The following ADGRB3 variants were observed in gnomAD, a reference collection of about 807,000 sequenced individuals.
ADGRB3 encodes brain-specific angiogenesis inhibitor 3.
ADGRB3 carries 37 observed loss-of-function variants against 193.4 expected under a neutral mutation model. The ratio of observed to expected loss-of-function variants is 0.19; its 90% CI spans 0.15 to 0.25. The LOEUF (loss-of-function observed/expected upper bound fraction) is 0.25, where lower values mean the gene tolerates loss of function less well. Among genes scored for constraint, ADGRB3 ranks in the 10% least tolerant of loss-of-function variants. ADGRB3 has a pLI of 1.00. For synonymous variants in ADGRB3, 690 were observed against 644.2 expected (o/e 1.07, Z -1.08); for missense variants, 1,637 against 1,852.9 (o/e 0.88, Z 2.14).
intron 17 of ADGRB3, among the ~76,000 whole-genome samples, chr6:69,098,545 A>C (rs921452061): frequency 6.6e-6 from 1 of 152,144 alleles, no homozygotes; most frequent in African/African-American, 2.4e-5. Context: ...ACTTACAATT[A>C]TGGCAGAAGG....
intron 3 of ADGRB3, among the ~76,000 whole-genome samples, chr6:68,664,814 T>G (rs1023696757): frequency 1.2e-4 from 18 of 151,792 alleles, no homozygotes; most frequent in Non-Finnish European, 2.4e-4. Context: ...TCCAAATATT[T>G]GTCTGAAATA....
At chr6:68,717,769 G>A (rs1235513735) in intron 3 of ADGRB3, among the ~76,000 whole-genome samples, 3 of 151,610 alleles carry the variant, frequency 2.0e-5, no homozygotes, top group African/African-American at 7.2e-5. Flanking sequence ...CTTTGTTAAT[G>A]TGTCTCAAGA....
At chr6:68,815,703 C>T (rs969941052) in intron 3 of ADGRB3, among the ~76,000 whole-genome samples, 3 of 149,952 alleles carry the variant, frequency 2.0e-5, no homozygotes, top group Admixed American at 6.7e-5. Context: ...TGAAACTCAG[C>T]CAAAGCAAAA....
At chr6:69,347,735 T>C (rs1446577987) in intron 26 of ADGRB3, among the ~76,000 whole-genome samples, 5 of 151,942 alleles carry the variant, frequency 3.3e-5, no homozygotes, top group Non-Finnish European at 7.4e-5. Flanking sequence ...CAGTGAGCCA[T>C]GATTGAGCCA....
intron 3 of ADGRB3, among the ~76,000 whole-genome samples, chr6:68,886,479 T>A (rs1765911069): frequency 6.6e-6 from 1 of 152,104 alleles, no homozygotes; most frequent in Admixed American, 6.6e-5. Context: ...CATATACTTC[T>A]TCTTTTTATT....
chr6:69,059,166 G>C (rs1771640356), intron 15 of ADGRB3, among the ~76,000 whole-genome samples: 1 of 151,904 alleles, frequency 6.6e-6, no homozygotes, highest in South Asian at 2.1e-4. Flanking sequence ...ATTTATAATT[G>C]TTATACCTCC....
At chr6:68,672,366 G>C (rs1277801659) in intron 3 of ADGRB3, among the ~76,000 whole-genome samples, 1 of 150,882 alleles carries the variant, frequency 6.6e-6, no homozygotes, top group African/African-American at 2.4e-5. Flanking sequence ...CGGTTTATTT[G>C]ATGTTTTTCT....
At chr6:68,748,405 G>C (rs1766127044) in intron 3 of ADGRB3, among the ~76,000 whole-genome samples, 1 of 152,108 alleles carries the variant, frequency 6.6e-6, no homozygotes, top group Non-Finnish European at 1.5e-5. Flanking sequence ...ATTCCAAATG[G>C]GAGAAATTGG....
At chr6:69,007,899 C>T (rs769927321) in intron 11 of ADGRB3, among the ~76,000 whole-genome samples, 3 of 152,084 alleles carry the variant, frequency 2.0e-5, no homozygotes, top group East Asian at 1.9e-4. Flanking sequence ...GCACTGGTGG[C>T]AGGTTCAGTT....
chr6:68,829,887 A>C (rs1767921038), intron 3 of ADGRB3, among the ~76,000 whole-genome samples: 1 of 152,166 alleles, frequency 6.6e-6, no homozygotes, highest in African/African-American at 2.4e-5. Context: ...TAGAAGAGGA[A>C]ATAAAATAAT....
chr6:68,678,729 A>G (rs1024599798), intron 3 of ADGRB3, among the ~76,000 whole-genome samples: 3 of 152,090 alleles, frequency 2.0e-5, no homozygotes, highest in African/African-American at 7.2e-5. Flanking sequence ...AATTGCTCAT[A>G]TTCATGTAAT....
At chr6:68,645,902 G>C (rs1287583978) in intron 3 of ADGRB3, among the ~76,000 whole-genome samples, 1 of 151,766 alleles carries the variant, frequency 6.6e-6, no homozygotes, top group Non-Finnish European at 1.5e-5. Context: ...TCAAACTCCT[G>C]ACCTCAGGTG....
At chr6:68,884,092 GCGA>G (rs1349518481) in intron 3 of ADGRB3, among the ~76,000 whole-genome samples, 2 of 152,136 alleles carry the variant, frequency 1.3e-5, no homozygotes, top group Admixed American at 6.5e-5. Flanking sequence ...TCTCTCTCTT[GCGA>G]ATGAGATCAT....
chr6:68,753,344 C>G (rs1348736046), intron 3 of ADGRB3, among the ~76,000 whole-genome samples: 1 of 152,154 alleles, frequency 6.6e-6, no homozygotes, highest in African/African-American at 2.4e-5. Context: ...AGGAAATTAT[C>G]TAAGTCTCTT....
chr6:69,359,882 C>T (rs941394673), intron 28 of ADGRB3, among the ~76,000 whole-genome samples: 2 of 151,836 alleles, frequency 1.3e-5, no homozygotes, highest in Non-Finnish European at 2.9e-5. Context: ...GAATTTTATT[C>T]ATTTGTATCC....
At chr6:68,935,839 A>G (rs536425836) in intron 4 of ADGRB3, among the ~76,000 whole-genome samples, 5 of 152,294 alleles carry the variant, frequency 3.3e-5, no homozygotes, top group South Asian at 2.1e-4. Flanking sequence ...TTTTAATTCC[A>G]TATCAAATTA....
intron 17 of ADGRB3, among the ~76,000 whole-genome samples, chr6:69,174,423 A>G (rs535305534): frequency 5.3e-5 from 8 of 152,336 alleles, no homozygotes; most frequent in African/African-American, 1.9e-4. Flanking sequence ...TGCTGCAAAG[A>G]CCATGACTTC....
rs143015082 is a variant in ADGRB3, at chr6:68,677,681, C to A, written c.757+38249C>A. On this transcript the variant is annotated intron_variant, in intron 3 of 31. Coordinates refer to ENST00000370598, the MANE Select transcript of ADGRB3 (RefSeq NM_001704.3). Reference sequence around the variant, plus strand: ...GACAGACGCGCACCAACACACTGGGCGAATTTTTGTAGTTTTTGGCAGAGA... The same window carrying A: ...GACAGACGCGCACCAACACACTGGGAGAATTTTTGTAGTTTTTGGCAGAGA... Among the ~76,000 whole-genome samples the A allele has an allele frequency of 5.6e-3, 847 of 151,878 alleles. 10 individuals carry two copies. Among genetic ancestry groups the A allele is most frequent in the Middle Eastern group, 0.02 (6 of 294 alleles).
chr6:68,982,605 C>A (rs1446181609), intron 10 of ADGRB3, among the ~76,000 whole-genome samples: 1 of 152,144 alleles, frequency 6.6e-6, no homozygotes, highest in Admixed American at 6.6e-5. Flanking sequence ...CAGCTGGGTG[C>A]TTAACACTGG....
Sources: allele counts gnomAD v4.1 joint callset (sites outside exome capture counted in the v4.1 genomes callset), GRCh38; gene constraint gnomAD v4.1.1; transcripts MANE v1.5; gene names NCBI Gene and HGNC (gene_info 2026-07-23, HGNC 2026-07-21).